FAM185A: variants seen among roughly 807,000 people sequenced by gnomAD.
FAM185A encodes protein FAM185A.
A neutral mutation model predicts 45.7 loss-of-function variants in FAM185A; 21 were observed. The observed-to-expected ratio is 0.46, with a 90% CI of 0.33 to 0.66. The LOEUF is 0.66. Among genes scored for constraint, FAM185A ranks in the 30% least tolerant of loss-of-function variants. FAM185A has a pLI of 0.03. For missense variants in FAM185A, 305 were observed against 485.4 expected (o/e 0.63, Z 3.49); for synonymous variants, 117 against 194.0 (o/e 0.60, Z 3.30).
rs535551689 is a variant in FAM185A at position 102,768,310 on chromosome 7, A to G, written c.794-4099A>G. Among the ~76,000 whole-genome samples the G allele has an allele frequency of 1.4e-4, 20 of 147,564 alleles. No homozygotes were observed. The Middle Eastern group carries it at 0.01, about 76-fold the overall frequency. On this transcript the variant is annotated intron_variant, in intron 4 of 7. Coordinates refer to ENST00000413034, the MANE Select transcript of FAM185A (RefSeq NM_001145268.2). Reference sequence around the variant, plus strand: ...GTTCTTGATCAGAGCCTTTGATCATACTGATCATACTGTTTATATTCTGCC... The same window carrying G: ...GTTCTTGATCAGAGCCTTTGATCATGCTGATCATACTGTTTATATTCTGCC...
intron 7 of FAM185A, among the ~76,000 whole-genome samples, chr7:102,790,269 G>A (rs1382657593): frequency 6.6e-6 from 1 of 152,162 alleles, no homozygotes; most frequent in Non-Finnish European, 1.5e-5. Context: ...TGCAGGTAGT[G>A]CGTTGCATTT....
At chr7:102,806,119 T>A (rs1797095445) in intron 7 of FAM185A, among the ~76,000 whole-genome samples, 1 of 147,450 alleles carries the variant, frequency 6.8e-6, no homozygotes, top group African/African-American at 2.6e-5. Context: ...TTAACCTTTT[T>A]GGTTATTGTT....
chr7:102,791,377 T>TCAGCAAATAAA (rs1324263629), intron 7 of FAM185A, among the ~76,000 whole-genome samples: 2 of 152,272 alleles, frequency 1.3e-5, no homozygotes, highest in African/African-American at 4.8e-5. Flanking sequence ...GTGAGCTATC[T>TCAGCAAATAAA]TAAACTCAGC....
At chr7:102,758,427 C>CTTTTTTTTTTTTTTTTT in intron 3 of FAM185A, among the ~76,000 whole-genome samples, 1 of 45,900 alleles carries the variant, frequency 2.2e-5, no homozygotes, top group African/African-American at 7.1e-5. Flanking sequence ...GCTCTCACAG[C>CTTTTTTTTTTTTTTTTT]TTTTTTTTTT....
chr7:102,833,420 T>C, the FAM185A span, among the ~76,000 whole-genome samples: 1 of 151,616 alleles, frequency 6.6e-6, no homozygotes, highest in African/African-American at 2.4e-5. Context: ...AGTTACTATC[T>C]TTCTGAGCCT....
chr7:102,838,508 T>C, the FAM185A span, among the ~76,000 whole-genome samples: 288 of 151,978 alleles, frequency 1.9e-3, 3 homozygotes, highest in South Asian at 0.017. Context: ...TGGAGTGCAG[T>C]GGTGTAGGGA....
At chr7:102,751,276 A>G (rs956656301) in intron 1 of FAM185A, among the ~76,000 whole-genome samples, 1 of 152,226 alleles carries the variant, frequency 6.6e-6, no homozygotes, top group African/African-American at 2.4e-5. Flanking sequence ...TTTTTAAAAA[A>G]TTACTTCAAA....
At chr7:102,770,282 TC>T (rs1204574147) in intron 4 of FAM185A, among the ~76,000 whole-genome samples, 3 of 146,240 alleles carry the variant, frequency 2.1e-5, no homozygotes, top group African/African-American at 7.7e-5. Context: ...TGTGCAAAGT[TC>T]CCAGGTATGA....
Position 102,787,487 on chromosome 7 carries a change from T to C in FAM185A, c.1066+18T>C. 7.0e-7 allele frequency: 1 copy of C among 1,437,188 alleles called. No individual in the cohort carries two copies. The highest frequency in any genetic ancestry group is 9.3e-7 in the Non-Finnish European group (1 of 1,079,816). The allele number at this position is 1,437,188 out of a possible 1,614,324, so 89.0% of individuals were successfully genotyped here. A position where few individuals can be genotyped will look rare whatever the true frequency, so the allele number is the denominator to read the frequency against. ...AGTGACTGGTAAGGAGGCTGCATTTTGCTCTGTCAGATGAATAGCCATTCT... is the reference window on the plus strand; with the variant it reads ...AGTGACTGGTAAGGAGGCTGCATTTCGCTCTGTCAGATGAATAGCCATTCT... On this transcript the variant is annotated intron_variant, in intron 7 of 7. Transcript: ENST00000413034.
At chr7:102,839,447 C>T in the FAM185A span, among the ~76,000 whole-genome samples, 11 of 152,204 alleles carry the variant, frequency 7.2e-5, no homozygotes, top group African/African-American at 2.7e-4. Context: ...TTTCTTTTCT[C>T]AGTCTCTCGT....
At chr7:102,831,213 CTTAG>C in the FAM185A span, among the ~76,000 whole-genome samples, 1,084 of 152,276 alleles carry the variant, frequency 7.1e-3, 17 homozygotes, top group African/African-American at 0.025. Flanking sequence ...CATTGAGTCA[CTTAG>C]TTAGCCTAGC....
chr7:102,834,325 C>A, the FAM185A span, among the ~76,000 whole-genome samples: 1 of 147,986 alleles, frequency 6.8e-6, no homozygotes, highest in Non-Finnish European at 1.5e-5. Flanking sequence ...GTTGTAAGTA[C>A]TAGATTTTAG....
chr7:102,823,760 A>G, the FAM185A span, among the ~76,000 whole-genome samples: 1 of 152,244 alleles, frequency 6.6e-6, no homozygotes, highest in Non-Finnish European at 1.5e-5. Flanking sequence ...CATAAAGTTA[A>G]AAGAAAAATC....
chr7:102,763,357 G>A (rs1188513839), intron 4 of FAM185A, among the ~76,000 whole-genome samples: 3 of 151,960 alleles, frequency 2.0e-5, no homozygotes, highest in Non-Finnish European at 4.4e-5. Flanking sequence ...TTAAATCTAG[G>A]TCCTCTTTTG....
chr7:102,798,276 A>G (rs1303643121), intron 7 of FAM185A, among the ~76,000 whole-genome samples: 1 of 152,254 alleles, frequency 6.6e-6, no homozygotes, highest in African/African-American at 2.4e-5. Context: ...AAACTTTTGT[A>G]GGAAGGAATT....
the FAM185A span, among the ~76,000 whole-genome samples, chr7:102,830,403 C>T: frequency 4.3e-3 from 656 of 152,234 alleles, 6 homozygotes; most frequent in African/African-American, 0.015. Context: ...GTGCTATGAA[C>T]GCAAGAATCT....
At chr7:102,812,194 A>G (rs1229094374), downstream of FAM185A, among the ~76,000 whole-genome samples, 3 of 152,248 alleles carry the variant, frequency 2.0e-5, no homozygotes, top group Non-Finnish European at 4.4e-5. Context: ...TCAGTGTTAC[A>G]TAATATCAAA....
In FAM185A at chr7:102,805,697, A is replaced by G. The variant is rs566766601; in HGVS notation, c.1067-2593A>G. Among the ~76,000 whole-genome samples the G allele has an allele frequency of 2.0e-5, 3 of 152,272 alleles. No individual in the cohort carries two copies. In the South Asian group the frequency reaches 6.2e-4, roughly 32 times the overall value. On this transcript the variant is annotated intron_variant, in intron 7 of 7. Coordinates refer to ENST00000413034, the MANE Select transcript of FAM185A (RefSeq NM_001145268.2). ...AACTATGGAAAAAAATTAAAAATAA[A>G]TAAATTAAAATAAAATAAAGGTGGG...
chr7:102,799,514 T>G (rs201095084), intron 7 of FAM185A, among the ~76,000 whole-genome samples: 1 of 152,272 alleles, frequency 6.6e-6, no homozygotes, highest in Non-Finnish European at 1.5e-5. Context: ...CATGGTACTA[T>G]TATAACAGAG....
Sources: gnomAD v4.1 joint callset for allele counts (sites outside exome capture counted in the v4.1 genomes callset) on GRCh38, gnomAD v4.1.1 for gene constraint, MANE v1.5 for transcripts, NCBI Gene and HGNC (gene_info 2026-07-23, HGNC 2026-07-21) for gene names.